The following SDAD1 variants were observed in gnomAD, a reference collection of about 807,000 sequenced individuals.
SDAD1 encodes SDA1 domain containing 1.
In SDAD1, 79 loss-of-function variants were observed where a neutral mutation model predicts 100.3. That is an observed-to-expected ratio of 0.79 (90% CI 0.66 to 0.95). The LOEUF (loss-of-function observed/expected upper bound fraction) is 0.95, where lower values mean the gene tolerates loss of function less well. SDAD1 is among the 40% of genes least tolerant of loss of function. SDAD1 has a pLI of 0.00. For missense variants in SDAD1, 790 were observed against 810.9 expected (o/e 0.97, Z 0.31); for synonymous variants, 267 against 271.4 (o/e 0.98, Z 0.16).
Position 75,957,673 on chromosome 4 carries a change from C to G in SDAD1, c.1614G>C (p.Arg538=). 6.2e-7 allele frequency: 1 copy of G among 1,614,174 alleles called. No individual in the cohort carries two copies. Among genetic ancestry groups the G allele is most frequent in the South Asian group, 1.1e-5 (1 of 91,078 alleles). The change falls in exon 19 of 22, where the codon CGG becomes CGC. Residue 538 remains arginine (R), a synonymous_variant. Transcript: ENST00000356260. ...TGCTGATGGCTGCAGCTTTGGCCTT[C>G]CGCTCCTCCATGGGCATGCTGTTCA... is the stretch of plus-strand genomic sequence containing the variant. ...KKLNSMPMEE[R]KAKAAAISTS...
At chr4:75,977,985 TGAAG>T (rs1730252779) in intron 3 of SDAD1, among the ~76,000 whole-genome samples, 1 of 152,026 alleles carries the variant, frequency 6.6e-6, no homozygotes, top group Non-Finnish European at 1.5e-5. Context: ...ATAAGTGTCA[TGAAG>T]GAAGTAAAAC....
At position 75,971,369 on chromosome 4, in the gene SDAD1, C is replaced by G; in HGVS notation, c.801G>C (p.Met267Ile). The G allele has an allele frequency of 6.2e-7, 1 of 1,612,778 alleles. No individual in the cohort carries two copies. Among genetic ancestry groups the G allele is most frequent in the Non-Finnish European group, 8.5e-7 (1 of 1,178,884 alleles). The stretch of plus-strand genomic sequence containing the variant: ...ATACAAGTCCCACCTTGAGCACTTT[C>G]ATTGCCTTTTCCAACTTTTTCTTGT... ...SKNKKKLEKA[M>I]KVLKKQKKKK... is the part of the protein sequence containing the mutation. The change falls in exon 9 of 22, where the codon ATG becomes ATC. Residue 267 changes from methionine (M) to isoleucine (I), a missense_variant. Met to Ile is a conservative substitution (Grantham distance 10). Transcript: ENST00000356260.
Position 75,973,313 on chromosome 4 carries a change from T to C in SDAD1, c.711+4A>G. 1 of 1,610,462 alleles carries C rather than the reference T, an allele frequency of 6.2e-7. No homozygotes were observed. Among genetic ancestry groups the C allele is most frequent in the South Asian group, 1.1e-5 (1 of 90,990 alleles). On this transcript the variant is annotated splice_donor_region_variant and intron_variant, in intron 8 of 21. Transcript: ENST00000356260. Reference sequence around the variant, plus strand: ...GATTCAGAAGCAGCTATGATTAAACTAACCTCAGATTCGGAGTCACTGTCC... The same window carrying C: ...GATTCAGAAGCAGCTATGATTAAACCAACCTCAGATTCGGAGTCACTGTCC...
chr4:75,980,350 CA>C (rs1560553891), intron 3 of SDAD1, among the ~76,000 whole-genome samples: 1 of 152,004 alleles, frequency 6.6e-6, no homozygotes, highest in South Asian at 2.1e-4. Flanking sequence ...GATAGAAATA[CA>C]AAAAACCTGA....
intron 20 of SDAD1, 90 bp from the exon 21 acceptor site, chr4:75,956,226 C>T: frequency 4.3e-6 from 6 of 1,409,180 alleles, no homozygotes; most frequent in South Asian, 1.4e-5. Flanking sequence ...GTGTCAGAAG[C>T]TCTACTAGGT....
chr4:75,955,429 C>T (rs144935384), intron 21 of SDAD1, among the ~76,000 whole-genome samples: 243 of 152,160 alleles, frequency 1.6e-3, no homozygotes, highest in Non-Finnish European at 9.3e-4. Flanking sequence ...GAAAGAGCCC[C>T]GTTGCATTGC....
chr4:75,972,914 G>A (rs951900591), intron 8 of SDAD1, among the ~76,000 whole-genome samples: 3 of 151,974 alleles, frequency 2.0e-5, no homozygotes, highest in Non-Finnish European at 2.9e-5. Context: ...CCAGCTACTC[G>A]GGAGGCTGAG....
At chr4:75,971,232 TTATC>T in intron 9 of SDAD1, 121 bp downstream of exon 9, 1 of 648,700 alleles carries the variant, frequency 1.5e-6, no homozygotes, top group South Asian at 2.1e-5. Context: ...GCTTAAAAAT[TTATC>T]TAACATTTCT....
intron 1 of SDAD1, among the ~76,000 whole-genome samples, chr4:75,986,356 G>A (rs945883261): frequency 2.6e-5 from 4 of 152,014 alleles, no homozygotes; most frequent in African/African-American, 4.8e-5. Context: ...CCACTTTTCT[G>A]GACAACCATT....
chr4:75,982,475 T>C (rs1347894138), intron 1 of SDAD1, among the ~76,000 whole-genome samples: 2 of 151,886 alleles, frequency 1.3e-5, no homozygotes, highest in African/African-American at 2.4e-5. Context: ...CAGGGAGACC[T>C]TGTCTCTACA....
chr4:75,974,262 T>A, intron 6 of SDAD1, 129 bp from the exon 7 acceptor site: 2 of 757,226 alleles, frequency 2.6e-6, no homozygotes, highest in African/African-American at 1.8e-5. Flanking sequence ...TGTAATATTT[T>A]AAAAAGATAC....
intron 8 of SDAD1, among the ~76,000 whole-genome samples, chr4:75,972,817 C>T (rs571480850): frequency 9.9e-5 from 15 of 151,608 alleles, no homozygotes; most frequent in African/African-American, 3.6e-4. Context: ...GTCAGGAGAT[C>T]AAGACCATCC....
intron 1 of SDAD1, among the ~76,000 whole-genome samples, chr4:75,983,348 G>C (rs1730663874): frequency 6.6e-6 from 1 of 152,170 alleles, no homozygotes; most frequent in Non-Finnish European, 1.5e-5. Context: ...TCTGGTTCTA[G>C]ATCCTTGAGG....
rs1407650745 is a variant in SDAD1, at chr4:75,971,357, C to G, written c.813G>C (p.Lys271Asn). 6.2e-7 allele frequency: 1 copy of G among 1,607,990 alleles called. No homozygotes were observed. The highest frequency in any genetic ancestry group is 1.3e-5 in the African/African-American group (1 of 74,780). Residue 271 changes from lysine (K) to asparagine (N), a missense_variant and splice_region_variant, in exon 9 of 22, where the codon AAG (lysine) becomes AAC (asparagine). By Grantham distance (94) the Lys-to-Asn change is moderately conservative. Coordinates refer to ENST00000356260, the MANE Select transcript of SDAD1 (RefSeq NM_018115.4). ...KKLEKAMKVL[K>N]KQKKKKKPEV... Reference sequence around the variant, plus strand: ...CTCATTTTCCAGATACAAGTCCCACCTTGAGCACTTTCATTGCCTTTTCCA... The same window carrying G: ...CTCATTTTCCAGATACAAGTCCCACGTTGAGCACTTTCATTGCCTTTTCCA...
rs768365902 is a variant in SDAD1 at position 75,957,690 on chromosome 4, T to C, written c.1597A>G (p.Met533Val). ...TTGGCCTTCCGCTCCTCCATGGGCA[T>C]GCTGTTCAGCTTCTTGGACTTGAAA... ...QQEISKKLNS[M>V]PMEERKAKAA... Residue 533 changes from methionine (M) to valine (V), a missense_variant, in exon 19 of 22, where the codon ATG becomes GTG. By Grantham distance (21) the Met-to-Val change is conservative. Transcript: ENST00000356260. 16 of 1,614,112 alleles carry C rather than the reference T, an allele frequency of 9.9e-6. No homozygotes were observed. The African/African-American group carries it at 2.1e-4, about 22-fold the overall frequency.
At chr4:75,968,987 C>T (rs990600181) in intron 11 of SDAD1, among the ~76,000 whole-genome samples, 1 of 133,824 alleles carries the variant, frequency 7.5e-6, no homozygotes, top group Non-Finnish European at 1.6e-5. Context: ...GCCGAGATTG[C>T]GCCACTGCAC....
At chr4:75,960,325 G>A (rs1489823797) in intron 16 of SDAD1, 133 bp from the exon 17 acceptor site, 30 of 784,832 alleles carry the variant, frequency 3.8e-5, no homozygotes, top group Middle Eastern at 4.0e-4. Flanking sequence ...TGCCCAGACT[G>A]GAGTGCAGTG....
At chr4:75,987,849 T>C (rs1009891937) in intron 1 of SDAD1, among the ~76,000 whole-genome samples, 3 of 152,176 alleles carry the variant, frequency 2.0e-5, no homozygotes, top group Non-Finnish European at 4.4e-5. Flanking sequence ...TTCATCTTAT[T>C]TGACTCATCA....
At position 75,957,684 on chromosome 4, in the gene SDAD1, T is replaced by G; in HGVS notation, c.1603A>C (p.Met535Leu). The G allele has an allele frequency of 6.2e-7, 1 of 1,614,242 alleles. No individual in the cohort carries two copies. The highest frequency in any genetic ancestry group is 2.2e-5 in the East Asian group (1 of 44,890). Residue 535 changes from methionine (M) to leucine (L), a missense_variant, in exon 19 of 22, where the codon ATG becomes CTG. By Grantham distance (15) the Met-to-Leu change is conservative. Coordinates refer to ENST00000356260, the MANE Select transcript of SDAD1 (RefSeq NM_018115.4). ...GCAGCTTTGGCCTTCCGCTCCTCCA[T>G]GGGCATGCTGTTCAGCTTCTTGGAC... ...EISKKLNSMP[M>L]EERKAKAAAI...
Sources: allele counts gnomAD v4.1 joint callset (sites outside exome capture counted in the v4.1 genomes callset), GRCh38; gene constraint gnomAD v4.1.1; transcripts MANE v1.5; gene names NCBI Gene and HGNC (gene_info 2026-07-23, HGNC 2026-07-21).